Variants in INPP5F observed in about 807,000 individuals in gnomAD.
The protein encoded by INPP5F is inositol polyphosphate-5-phosphatase F.
Under a neutral mutation model 137.2 loss-of-function variants are expected in INPP5F, and 97 were observed. The ratio of observed to expected loss-of-function variants is 0.71; its 90% CI spans 0.60 to 0.84. INPP5F has a LOEUF of 0.84. Among genes scored for constraint, INPP5F ranks in the 40% least tolerant of loss-of-function variants. The pLI, the probability that INPP5F is intolerant of heterozygous loss-of-function variation, is 0.00. For missense variants in INPP5F, 1,271 were observed against 1,371.9 expected (o/e 0.93, Z 1.16); for synonymous variants, 504 against 476.9 (o/e 1.06, Z -0.74).
At chr10:119,794,910 C>T in intron 6 of INPP5F, among the ~76,000 whole-genome samples, 1 of 124,978 alleles carries the variant, frequency 8.0e-6, no homozygotes, top group East Asian at 2.5e-4. Flanking sequence ...CTGACCCCCC[C>T]ACCTCCCTCC....
chr10:119,792,930 T>A (rs1850200001), intron 6 of INPP5F, among the ~76,000 whole-genome samples: 1 of 152,210 alleles, frequency 6.6e-6, no homozygotes, highest in African/African-American at 2.4e-5. Flanking sequence ...TTTTGGTTTC[T>A]CCCCTTTAGT....
intron 3 of INPP5F, among the ~76,000 whole-genome samples, chr10:119,789,624 T>C (rs771160193): frequency 5.9e-5 from 9 of 151,872 alleles, no homozygotes; most frequent in Middle Eastern, 3.2e-3. Context: ...GTTTTGGACA[T>C]GTTGAGTTTG....
At chr10:119,743,106 C>G (rs1248231426) in intron 1 of INPP5F, among the ~76,000 whole-genome samples, 1 of 152,214 alleles carries the variant, frequency 6.6e-6, no homozygotes, top group Non-Finnish European at 1.5e-5. Context: ...GCTTTAATGT[C>G]TTTGTCTCAA....
chr10:119,756,865 C>A (rs80328222), intron 2 of INPP5F, among the ~76,000 whole-genome samples: 2,090 of 97,078 alleles, frequency 0.022, no homozygotes, highest in South Asian at 0.023. Context: ...AGCTCTGCCA[C>A]AAAAAAAAAA....
At chr10:119,763,158 C>G (rs1490805303) in intron 2 of INPP5F, among the ~76,000 whole-genome samples, 1 of 152,212 alleles carries the variant, frequency 6.6e-6, no homozygotes, top group Non-Finnish European at 1.5e-5. Context: ...TAAGTCCAAA[C>G]TATAAGACAA....
chr10:119,781,900 T>A, intron 3 of INPP5F, 129 bp downstream of exon 3: 1 of 774,244 alleles, frequency 1.3e-6, no homozygotes, highest in South Asian at 2.4e-5. Flanking sequence ...AATTTAATCC[T>A]AAGATTTTCC....
intron 15 of INPP5F, among the ~76,000 whole-genome samples, chr10:119,817,415 G>A (rs368950516): frequency 6.6e-6 from 1 of 152,186 alleles, no homozygotes; most frequent in Non-Finnish European, 1.5e-5. Context: ...TTTCTACAGT[G>A]GCCACGCCGT....
At chr10:119,806,274 TTTTATTGA>T in intron 11 of INPP5F, 78 bp from the exon 12 acceptor site, 1 of 970,684 alleles carries the variant, frequency 1.0e-6, no homozygotes, top group South Asian at 2.1e-5. Context: ...AGTGCTGCTG[TTTTATTGA>T]TATACTTTAA....
chr10:119,758,372 G>A (rs1848911997), intron 2 of INPP5F, among the ~76,000 whole-genome samples: 1 of 152,122 alleles, frequency 6.6e-6, no homozygotes, highest in Admixed American at 6.6e-5. Flanking sequence ...TGTGCAAAAG[G>A]CCCGGTTCTT....
intron 6 of INPP5F, among the ~76,000 whole-genome samples, chr10:119,795,947 G>A (rs975826862): frequency 2.6e-4 from 39 of 152,180 alleles, no homozygotes; most frequent in Admixed American, 1.9e-3. Context: ...GCGTGGCGGC[G>A]CGCGCCTGCA....
chr10:119,750,657 G>T (rs193141713), intron 1 of INPP5F, among the ~76,000 whole-genome samples: 9 of 152,262 alleles, frequency 5.9e-5, no homozygotes, highest in Non-Finnish European at 8.8e-5. Context: ...AAGCATCTTC[G>T]GGAAAATGTA....
intron 3 of INPP5F, 84 bp from the exon 4 acceptor site, chr10:119,791,433 C>A: frequency 9.7e-7 from 1 of 1,034,642 alleles, no homozygotes; most frequent in Non-Finnish European, 1.4e-6. Context: ...ATCAGAATGC[C>A]TGAGCAGTAG....
intron 1 of INPP5F, among the ~76,000 whole-genome samples, chr10:119,746,700 G>A (rs1250063087): frequency 6.6e-6 from 1 of 152,046 alleles, no homozygotes; most frequent in African/African-American, 2.4e-5. Flanking sequence ...AAAGGAACTT[G>A]TAAGTCAATG....
intron 15 of INPP5F, among the ~76,000 whole-genome samples, chr10:119,812,378 C>CTTTT (rs201760506): frequency 1.6e-4 from 23 of 145,546 alleles, no homozygotes; most frequent in East Asian, 6.0e-4. Flanking sequence ...AACTAATATT[C>CTTTT]TTTTTTTTTT....
In INPP5F at chr10:119,827,930, T is replaced by C. The variant is rs1291954585; in HGVS notation, c.*150T>C. On this transcript the variant is annotated 3_prime_UTR_variant, in exon 20 of 20. Transcript: ENST00000650623. ...AAACGGAGTCGGAACCTGAGTAGAT[T>C]TCCAAATTTTACAGCCAGGACTACA... is the stretch of plus-strand genomic sequence containing the variant. The C allele has an allele frequency of 4.7e-6, 3 of 635,616 alleles. No homozygotes were observed. Among genetic ancestry groups the C allele is most frequent in the Admixed American group, 3.0e-5 (1 of 33,282 alleles). The allele number at this position is 635,616 out of a possible 1,614,324, so 39.4% of individuals were successfully genotyped here. A position where few individuals can be genotyped will look rare whatever the true frequency, so the allele number is the denominator to read the frequency against.
intron 16 of INPP5F, among the ~76,000 whole-genome samples, chr10:119,821,337 C>CGTGTGTGTGTGTGT (rs3067616): frequency 4.6e-4 from 69 of 150,048 alleles, no homozygotes; most frequent in African/African-American, 1.6e-3. Context: ...TATGCAATAA[C>CGTGTGTGTGTGTGT]GTGTGTGTGT....
At chr10:119,791,351 A>G (rs986366724) in intron 3 of INPP5F, among the ~76,000 whole-genome samples, 166 bp from the exon 4 acceptor site, 1 of 152,148 alleles carries the variant, frequency 6.6e-6, no homozygotes, top group African/African-American at 2.4e-5. Flanking sequence ...CTTTCTCATC[A>G]TGGGACTCAT....
intron 16 of INPP5F, among the ~76,000 whole-genome samples, chr10:119,821,276 G>A (rs923032023): frequency 2.0e-5 from 3 of 152,004 alleles, no homozygotes; most frequent in African/African-American, 7.2e-5. Flanking sequence ...CTCACTGTTA[G>A]GTATTAAATT....
Position 119,827,125 on chromosome 10 carries a change from T to C in INPP5F, c.2744T>C (p.Val915Ala). The change falls in exon 20 of 20, where the codon GTT (valine) becomes GCT (alanine). Residue 915 changes from valine to alanine, a missense_variant. Around this residue, in one of 6 missense-constraint regions of INPP5F, gnomAD observed 490 missense variants for 443.7 expected, o/e 1.10. Coordinates refer to ENST00000650623, the MANE Select transcript of INPP5F (RefSeq NM_014937.4). ...SQSLSSTDSS[V>A]HAPSEITVAH... ...TCTCTTAGCAGCACAGATAGTAGCG[T>C]TCATGCTCCTTCAGAGATTACTGTT... 1 of 1,614,160 alleles carries C rather than the reference T, an allele frequency of 6.2e-7. No individual in the cohort carries two copies.
Sources: allele counts gnomAD v4.1 joint callset (sites outside exome capture counted in the v4.1 genomes callset), GRCh38; gene constraint gnomAD v4.1.1; regional missense constraint gnomAD v4.1.1; transcripts MANE v1.5; gene names NCBI Gene and HGNC (gene_info 2026-07-23, HGNC 2026-07-21).